PDE7A: variants seen among roughly 807,000 people sequenced by gnomAD.
The protein encoded by PDE7A is phosphodiesterase 7A.
In PDE7A, 39 loss-of-function variants were observed where a neutral mutation model predicts 64.3. The observed-to-expected ratio is 0.61, with a 90% CI of 0.47 to 0.79. The LOEUF (loss-of-function observed/expected upper bound fraction) is 0.79, where lower values mean the gene tolerates loss of function less well. Ranked by LOEUF, PDE7A falls within the 30% of genes least tolerant of loss-of-function variation. The pLI is 0.00. For missense variants in PDE7A, 470 were observed against 582.8 expected, an observed-to-expected ratio of 0.81 and a Z score of 1.99; for synonymous variants, 203 against 206.8, an observed-to-expected ratio of 0.98 and a Z score of 0.16.
At position 65,717,684 on chromosome 8, in the gene PDE7A, A is replaced by G. The variant is rs556891137; in HGVS notation, c.*1606T>C. 2.6e-5 allele frequency: 4 copies of G among 152,376 alleles called. No individual in the cohort carries two copies. Among genetic ancestry groups the G allele is most frequent in the African/African-American group, 9.6e-5 (4 of 41,590 alleles). 9.4% of individuals were successfully genotyped at this position (152,376 alleles called of 1,614,324 possible). On this transcript the variant is annotated 3_prime_UTR_variant, in exon 13 of 13. Coordinates refer to ENST00000401827, the MANE Select transcript of PDE7A (RefSeq NM_001242318.3). Reference sequence around the variant, plus strand: ...TAAGGTAAATGTCAAAGATAAAAATATGAAAAGATAGGTTTTTATTCATCA... The same window carrying G: ...TAAGGTAAATGTCAAAGATAAAAATGTGAAAAGATAGGTTTTTATTCATCA...
chr8:65,835,960 T>A (rs947407947), intron 1 of PDE7A, among the ~76,000 whole-genome samples: 33 of 152,214 alleles, frequency 2.2e-4, no homozygotes, highest in Admixed American at 2.2e-3. Context: ...TGAGCATGTA[T>A]CTGAAATATA....
At chr8:65,825,529 C>T (rs887530116) in intron 1 of PDE7A, among the ~76,000 whole-genome samples, 4 of 152,082 alleles carry the variant, frequency 2.6e-5, no homozygotes, top group Non-Finnish European at 5.9e-5. Flanking sequence ...TAAACTTCAA[C>T]GCATTCTTAA....
At chr8:65,810,359 A>AT (rs1554570225) in intron 1 of PDE7A, among the ~76,000 whole-genome samples, 1 of 122,032 alleles carries the variant, frequency 8.2e-6, no homozygotes, top group African/African-American at 2.6e-5. Flanking sequence ...GGGTGGGGGG[A>AT]TGGGGGAGGG....
At chr8:65,740,468 T>C (rs886239377) in intron 5 of PDE7A, among the ~76,000 whole-genome samples, 1 of 152,108 alleles carries the variant, frequency 6.6e-6, no homozygotes, top group Non-Finnish European at 1.5e-5. Flanking sequence ...TGGTGCGATC[T>C]TGGCTCACTG....
At chr8:65,830,081 T>C (rs892116235) in intron 1 of PDE7A, among the ~76,000 whole-genome samples, 5 of 152,118 alleles carry the variant, frequency 3.3e-5, no homozygotes, top group African/African-American at 1.2e-4. Flanking sequence ...CATTCCCCTC[T>C]GCCACTTCAT....
intron 8 of PDE7A, 23 bp downstream of exon 8, chr8:65,727,147 C>A: frequency 2.2e-6 from 3 of 1,353,606 alleles, no homozygotes; most frequent in East Asian, 2.3e-5. Context: ...AATAATAAAT[C>A]TTGATGATAA....
chr8:65,716,157 A>AC lies in PDE7A; in HGVS notation c.*3132_*3133insG, dbSNP rs1806135243. Among the ~76,000 whole-genome samples the AC allele has an allele frequency of 6.6e-6, 1 of 151,618 alleles. No homozygotes were observed. The highest frequency in any genetic ancestry group is 1.5e-5 in the Non-Finnish European group (1 of 67,896). The stretch of plus-strand genomic sequence containing the variant: ...CAGCGAGACCCTGTCTCAAAAAAAA[A>AC]AAAAAACAAAAGGGCTATAGAAGGT... On this transcript the variant is annotated 3_prime_UTR_variant, in exon 13 of 13. Transcript: ENST00000401827.
intron 1 of PDE7A, among the ~76,000 whole-genome samples, chr8:65,830,572 C>A (rs1335812563): frequency 6.6e-6 from 1 of 151,816 alleles, no homozygotes; most frequent in Non-Finnish European, 1.5e-5. Context: ...ATAAATCAGC[C>A]CCATCTATCC....
intron 1 of PDE7A, among the ~76,000 whole-genome samples, chr8:65,815,248 C>T (rs1405718812): frequency 6.6e-6 from 1 of 152,120 alleles, no homozygotes; most frequent in East Asian, 1.9e-4. Flanking sequence ...AGAGTTTAAA[C>T]TAAGCCCTAA....
chr8:65,800,311 A>G (rs578143182), intron 1 of PDE7A, among the ~76,000 whole-genome samples: 3 of 152,322 alleles, frequency 2.0e-5, no homozygotes, highest in African/African-American at 4.8e-5. Flanking sequence ...TACTGACCCT[A>G]AATTTTTAAA....
chr8:65,737,198 C>T (rs1205391063), intron 6 of PDE7A, among the ~76,000 whole-genome samples: 1 of 152,100 alleles, frequency 6.6e-6, no homozygotes, highest in East Asian at 1.9e-4. Flanking sequence ...AGATATGCTG[C>T]ACAAAAGATA....
intron 1 of PDE7A, among the ~76,000 whole-genome samples, chr8:65,804,890 T>G (rs1018821717): frequency 9.2e-5 from 14 of 152,086 alleles, no homozygotes; most frequent in African/African-American, 2.9e-4. Context: ...CAAGCTGGAG[T>G]ACAGTAGTGT....
intron 1 of PDE7A, among the ~76,000 whole-genome samples, chr8:65,821,625 AT>A (rs1339600868): frequency 6.6e-6 from 1 of 152,220 alleles, no homozygotes; most frequent in Non-Finnish European, 1.5e-5. Context: ...TGTACCATAA[AT>A]GTTCATTTTT....
chr8:65,810,714 A>G (rs1810240257), intron 1 of PDE7A, among the ~76,000 whole-genome samples: 1 of 152,174 alleles, frequency 6.6e-6, no homozygotes, highest in Non-Finnish European at 1.5e-5. Flanking sequence ...ATGACCCAAA[A>G]TCATGTGAAT....
At chr8:65,720,395 A>T (rs1014359190) in intron 12 of PDE7A, 4 of 154,186 alleles carry the variant, frequency 2.6e-5, no homozygotes, top group Non-Finnish European at 5.9e-5. Flanking sequence ...AATTTTCTTC[A>T]TATCCAAGAC....
chr8:65,732,015 T>C (rs1806913299), intron 7 of PDE7A, among the ~76,000 whole-genome samples: 2 of 152,172 alleles, frequency 1.3e-5, no homozygotes, highest in South Asian at 4.2e-4. Context: ...TTGTTGTTAT[T>C]TTAGACTGAG....
intron 3 of PDE7A, among the ~76,000 whole-genome samples, chr8:65,753,739 T>C (rs1172808724): frequency 6.6e-6 from 1 of 152,214 alleles, no homozygotes; most frequent in Non-Finnish European, 1.5e-5. Flanking sequence ...TTCATTATTG[T>C]AGAATTGTCT....
chr8:65,763,565 C>CA (rs10706103), intron 3 of PDE7A, among the ~76,000 whole-genome samples: 125 of 147,230 alleles, frequency 8.5e-4, no homozygotes, highest in Admixed American at 3.5e-3. Context: ...AACTCCGTCT[C>CA]AAAAAAAAAA....
intron 1 of PDE7A, among the ~76,000 whole-genome samples, chr8:65,829,811 AGAT>A (rs1435536627): frequency 1.3e-5 from 2 of 152,148 alleles, no homozygotes; most frequent in Non-Finnish European, 2.9e-5. Flanking sequence ...AAAAAATGAC[AGAT>A]GAATAAGGTA....
Sources: gnomAD v4.1 joint callset for allele counts (sites outside exome capture counted in the v4.1 genomes callset) on GRCh38, gnomAD v4.1.1 for gene constraint, MANE v1.5 for transcripts, NCBI Gene and HGNC (gene_info 2026-07-23, HGNC 2026-07-21) for gene names.